Variants in ADAMTS12 observed in about 807,000 individuals in gnomAD.
ADAMTS12 encodes the protein A disintegrin and metalloproteinase with thrombospondin motifs 12.
Under a neutral mutation model 167.8 loss-of-function variants are expected in ADAMTS12, and 118 were observed. The ratio of observed to expected loss-of-function variants is 0.70; its 90% CI spans 0.61 to 0.82. ADAMTS12 has a LOEUF of 0.82. Ranked by LOEUF, ADAMTS12 falls within the 40% of genes least tolerant of loss-of-function variation. The pLI is 0.00. For synonymous variants in ADAMTS12, 704 were observed against 716.9 expected, an observed-to-expected ratio of 0.98 and a Z score of 0.29; for missense variants, 1,916 against 1,998.8, an observed-to-expected ratio of 0.96 and a Z score of 0.79.
chr5:33,604,636 C>T (rs2112063654), intron 16 of ADAMTS12, among the ~76,000 whole-genome samples: 1 of 151,422 alleles, frequency 6.6e-6, no homozygotes, highest in African/African-American at 2.4e-5. Flanking sequence ...ATCAAGAGCT[C>T]AGCCGACCTA....
intron 12 of ADAMTS12, among the ~76,000 whole-genome samples, chr5:33,637,205 A>G (rs1416311269): frequency 1.3e-5 from 2 of 152,138 alleles, no homozygotes; most frequent in East Asian, 3.9e-4. Context: ...CAAACCCACA[A>G]TGACCTTTTC....
chr5:33,810,937 T>A (rs1747436179), intron 2 of ADAMTS12, among the ~76,000 whole-genome samples: 2 of 152,196 alleles, frequency 1.3e-5, no homozygotes, highest in Non-Finnish European at 2.9e-5. Context: ...GTCCCACCTC[T>A]TTGCTGGGTT....
intron 1 of ADAMTS12, 142 bp from the exon 2 acceptor site, chr5:33,881,622 C>T: frequency 2.4e-6 from 3 of 1,225,532 alleles, no homozygotes; most frequent in Non-Finnish European, 3.3e-6. Context: ...AGTGCAATGG[C>T]ACGATCCGGG....
intron 16 of ADAMTS12, among the ~76,000 whole-genome samples, chr5:33,605,199 CA>C (rs1390913435): frequency 6.6e-6 from 1 of 152,166 alleles, no homozygotes; most frequent in Non-Finnish European, 1.5e-5. Flanking sequence ...TAAATGGAAT[CA>C]ACCACTGAGC....
At chr5:33,568,144 A>G (rs1389910148) in intron 19 of ADAMTS12, among the ~76,000 whole-genome samples, 2 of 152,218 alleles carry the variant, frequency 1.3e-5, no homozygotes, top group Non-Finnish European at 1.5e-5. Context: ...AAACAGGACT[A>G]AAATGTCAGG....
chr5:33,574,081 A>C (rs1434194275), intron 19 of ADAMTS12, among the ~76,000 whole-genome samples: 2 of 151,878 alleles, frequency 1.3e-5, no homozygotes, highest in African/African-American at 2.4e-5. Flanking sequence ...GGCAATCATT[A>C]AAAAGTCAGG....
At chr5:33,750,693 C>T (rs62349783) in intron 3 of ADAMTS12, among the ~76,000 whole-genome samples, 1,565 of 152,308 alleles carry the variant, frequency 0.01, 14 homozygotes, top group Non-Finnish European at 0.018. Context: ...AGCTTATTAT[C>T]TCCTACACAC....
chr5:33,836,915 AT>A (rs957214113), intron 2 of ADAMTS12, among the ~76,000 whole-genome samples: 36 of 145,322 alleles, frequency 2.5e-4, no homozygotes, highest in Middle Eastern at 3.6e-3. Flanking sequence ...TGGCTTTAAA[AT>A]TTTTTTTTTT....
At chr5:33,553,318 G>A (rs180689579) in intron 20 of ADAMTS12, among the ~76,000 whole-genome samples, 4 of 152,276 alleles carry the variant, frequency 2.6e-5, no homozygotes, top group African/African-American at 9.6e-5. Context: ...GATTCCTCAA[G>A]ACCTAAAGAC....
rs1579826208 is a variant in ADAMTS12 at position 33,676,534 on chromosome 5, A to C, written c.915+6484T>G. Among the ~76,000 whole-genome samples, 6 of 151,788 alleles carry C rather than the reference A, an allele frequency of 4.0e-5. No homozygotes were observed. In the South Asian group the frequency reaches 1.2e-3, roughly 32 times the overall value. ...AGTGAGACCCCATCTTTAAAAAAAA[A>C]ATAGCTAGGCATCGTTGCAAGTGCC... On this transcript the variant is annotated intron_variant, in intron 5 of 23. Transcript: ENST00000504830.
intron 23 of ADAMTS12, among the ~76,000 whole-genome samples, chr5:33,529,797 A>G (rs974364177): frequency 6.6e-6 from 1 of 152,170 alleles, no homozygotes; most frequent in African/African-American, 2.4e-5. Flanking sequence ...ATGCTCCTAG[A>G]TTCCAAAATC....
chr5:33,778,011 AAG>A (rs1252395229), intron 2 of ADAMTS12, among the ~76,000 whole-genome samples: 3 of 152,108 alleles, frequency 2.0e-5, no homozygotes, highest in African/African-American at 7.2e-5. Flanking sequence ...TCACTGATGA[AAG>A]AAATTGAAAA....
chr5:33,692,887 C>T (rs1358221242), intron 3 of ADAMTS12, among the ~76,000 whole-genome samples: 2 of 152,148 alleles, frequency 1.3e-5, no homozygotes, highest in African/African-American at 2.4e-5. Context: ...CCCATGAGTC[C>T]TACATGTATC....
chr5:33,607,525 G>GT (rs1319921313), intron 16 of ADAMTS12, among the ~76,000 whole-genome samples: 2 of 152,030 alleles, frequency 1.3e-5, no homozygotes, highest in African/African-American at 4.8e-5. Flanking sequence ...TTTTACAATA[G>GT]TTTTTTTCTA....
intron 19 of ADAMTS12, 115 bp downstream of exon 19, chr5:33,575,939 T>C: frequency 1.4e-6 from 2 of 1,440,888 alleles, no homozygotes; most frequent in South Asian, 1.5e-5. Flanking sequence ...TTGCTTCCTT[T>C]TGTTTTCACA....
Position 33,580,274 on chromosome 5 carries a change from G to A in ADAMTS12, c.2866-3114C>T, listed in dbSNP as rs899599804. On this transcript the variant is annotated intron_variant, in intron 18 of 23. Coordinates refer to ENST00000504830, the MANE Select transcript of ADAMTS12 (RefSeq NM_030955.4). ...ACTCACAGTTCTGCATGGGTGGGGA[G>A]GCCTCAGGAAACTTACAATCATGGT... Among the ~76,000 whole-genome samples the A allele has an allele frequency of 4.0e-4, 61 of 152,154 alleles. 2 individuals are homozygous for A. Among genetic ancestry groups the A allele is most frequent in the Admixed American group, 2.7e-3 (42 of 15,280 alleles).
At chr5:33,572,631 C>A (rs1238037232) in intron 19 of ADAMTS12, among the ~76,000 whole-genome samples, 1 of 133,576 alleles carries the variant, frequency 7.5e-6, no homozygotes, top group Admixed American at 7.9e-5. Flanking sequence ...GACAAACCCA[C>A]AGCCAATATC....
chr5:33,552,551 G>T (rs558140881), intron 20 of ADAMTS12, among the ~76,000 whole-genome samples: 109 of 152,312 alleles, frequency 7.2e-4, no homozygotes, highest in African/African-American at 2.4e-3. Context: ...TTCCTTTCCA[G>T]CCTTTTCCTA....
intron 3 of ADAMTS12, among the ~76,000 whole-genome samples, chr5:33,734,458 T>A (rs80214505): frequency 0.012 from 1,845 of 152,154 alleles, 36 homozygotes; most frequent in African/African-American, 0.043. Flanking sequence ...CCAGCTGGAG[T>A]TGTAGTTACC....
Sources: allele counts gnomAD v4.1 joint callset (sites outside exome capture counted in the v4.1 genomes callset), GRCh38; gene constraint gnomAD v4.1.1; transcripts MANE v1.5; gene names NCBI Gene and HGNC (gene_info 2026-07-23, HGNC 2026-07-21).